TENM2: variants seen among roughly 807,000 people sequenced by gnomAD.
The protein encoded by TENM2 is teneurin transmembrane protein 2, also known as teneurin-2.
In TENM2, 52 loss-of-function variants were observed where a neutral mutation model predicts 245.2. The observed-to-expected ratio is 0.21, with a 90% CI of 0.17 to 0.27. The LOEUF (loss-of-function observed/expected upper bound fraction) is 0.27. Ranked by LOEUF, TENM2 falls within the 10% of genes least tolerant of loss-of-function variation. TENM2 has a pLI of 1.00. For missense variants in TENM2, 3,046 were observed against 3,666.8 expected (o/e 0.83, Z 4.37); for synonymous variants, 1,363 against 1,438.9 (o/e 0.95, Z 1.19).
At chr5:166,979,194 CCAGCAGCAG>C in the TENM2 span, among the ~76,000 whole-genome samples, 16,664 of 141,960 alleles carry the variant, frequency 0.12, 1,117 homozygotes, top group Admixed American at 0.19. Flanking sequence ...AGCACCACCA[CCAGCAGCAG>C]CAGCAGCAGC....
chr5:167,227,132 G>C, the TENM2 span, among the ~76,000 whole-genome samples: 31,328 of 151,682 alleles, frequency 0.21, 3,772 homozygotes, highest in African/African-American at 0.33. Flanking sequence ...TTCATTCAGC[G>C]AGTCTATATC....
chr5:167,322,217 T>G (rs1756799200), intron 1 of TENM2, among the ~76,000 whole-genome samples: 1 of 149,452 alleles, frequency 6.7e-6, no homozygotes, highest in Non-Finnish European at 1.5e-5. Context: ...ATATTTGTTT[T>G]TTTTTTTTTG....
chr5:167,075,998 G>A, the TENM2 span, among the ~76,000 whole-genome samples: 1 of 152,152 alleles, frequency 6.6e-6, no homozygotes, highest in Admixed American at 6.6e-5. Context: ...TCCCAGACCA[G>A]CCCTGGCTCT....
At position 168,127,176 on chromosome 5, in the gene TENM2, G is replaced by C. The variant is rs374876044; in HGVS notation, c.2422+210G>C. Among the ~76,000 whole-genome samples the C allele has an allele frequency of 3.2e-4, 48 of 152,300 alleles. No individual in the cohort carries two copies. The East Asian group carries it at 3.5e-3, about 11-fold the overall frequency. On this transcript the variant is annotated intron_variant, in intron 12 of 28. Transcript: ENST00000518659. ...TTCCGAGTTGAAAGGAAAGGGACCA[G>C]AGCAGATAAGAAAACCCCTCCAAAC...
At chr5:167,292,113 AC>A (rs1246267711) in intron 1 of TENM2, among the ~76,000 whole-genome samples, 1 of 151,902 alleles carries the variant, frequency 6.6e-6, no homozygotes, top group Admixed American at 6.6e-5. Flanking sequence ...GGAAAAACTT[AC>A]CCCCATGATT....
At chr5:167,307,072 C>G (rs543023517) in intron 1 of TENM2, among the ~76,000 whole-genome samples, 1 of 152,152 alleles carries the variant, frequency 6.6e-6, no homozygotes, top group Non-Finnish European at 1.5e-5. Context: ...CCATACTCCC[C>G]GCAACACTGG....
chr5:167,939,844 G>A (rs1583431337), intron 3 of TENM2, among the ~76,000 whole-genome samples: 1 of 152,186 alleles, frequency 6.6e-6, no homozygotes, highest in South Asian at 2.1e-4. Flanking sequence ...TGAGTCAGAA[G>A]CCTTTAGCAA....
chr5:168,218,471 A>T lies in TENM2; in HGVS notation c.4580A>T (p.Asn1527Ile). 1.2e-6 allele frequency: 2 copies of T among 1,614,028 alleles called. No individual in the cohort carries two copies. The highest frequency in any genetic ancestry group is 1.7e-6 in the Non-Finnish European group (2 of 1,179,896). Residue 1527 changes from asparagine to isoleucine, a missense_variant, in exon 23 of 29, where the codon AAT (asparagine) becomes ATT (isoleucine). By Grantham distance (149) the Asn-to-Ile change is moderately radical (BLOSUM62 -3). This residue lies in a region of TENM2 where 2,704 missense variants were observed against 3,331.9 expected (regional missense o/e 0.81). Transcript: ENST00000518659. The surrounding 1 kb of genome is among the most constrained non-coding windows in gnomAD (Gnocchi z 5.2). ...GACTGCGACTGCAAAAACGATGTCA[A>T]TTGCAACTGCTATTCAGGAGATGAT...
chr5:167,090,124 T>C, the TENM2 span, among the ~76,000 whole-genome samples: 3 of 152,156 alleles, frequency 2.0e-5, no homozygotes, highest in African/African-American at 7.2e-5. Context: ...TTTAAAATAA[T>C]TTATTACTGT....
chr5:167,479,572 G>T (rs1441298751), intron 2 of TENM2, among the ~76,000 whole-genome samples: 1 of 152,012 alleles, frequency 6.6e-6, no homozygotes, highest in Non-Finnish European at 1.5e-5. Flanking sequence ...ATTATTACCT[G>T]GAAAATCATC....
the TENM2 span, among the ~76,000 whole-genome samples, chr5:167,080,961 C>T: frequency 1.3e-5 from 2 of 151,776 alleles, no homozygotes; most frequent in African/African-American, 4.8e-5. Context: ...TTTGTATTTT[C>T]CTATGCTATT....
intron 1 of TENM2, among the ~76,000 whole-genome samples, chr5:167,325,031 G>C (rs1270415369): frequency 6.6e-6 from 1 of 152,140 alleles, no homozygotes; most frequent in Admixed American, 6.5e-5. Context: ...TATCAAGTCT[G>C]TGGAGTGTTC....
At chr5:167,795,711 T>G (rs944060970) in intron 2 of TENM2, among the ~76,000 whole-genome samples, 2 of 152,030 alleles carry the variant, frequency 1.3e-5, no homozygotes, top group African/African-American at 4.8e-5. Flanking sequence ...GTGAACAATA[T>G]TGTTAAATGC....
intron 5 of TENM2, among the ~76,000 whole-genome samples, chr5:167,997,331 G>A (rs1784126894): frequency 1.3e-5 from 2 of 152,156 alleles, no homozygotes; most frequent in Admixed American, 6.6e-5. Flanking sequence ...CCCGTTGATA[G>A]CATTAACTCA....
At chr5:167,666,594 C>T (rs1755592750) in intron 2 of TENM2, among the ~76,000 whole-genome samples, 1 of 152,082 alleles carries the variant, frequency 6.6e-6, no homozygotes, top group Non-Finnish European at 1.5e-5. Flanking sequence ...TGAGATCACT[C>T]AAGGACAGTA....
chr5:167,233,605 A>G, the TENM2 span, among the ~76,000 whole-genome samples: 1 of 152,206 alleles, frequency 6.6e-6, no homozygotes, highest in Non-Finnish European at 1.5e-5. Flanking sequence ...ATAGTGCTTA[A>G]CAATTTTTCC....
the TENM2 span, among the ~76,000 whole-genome samples, chr5:167,025,165 A>T: frequency 6.6e-6 from 1 of 152,226 alleles, no homozygotes; most frequent in African/African-American, 2.4e-5. Context: ...GTAGAATGAA[A>T]TAGGTAAAGT....
intron 2 of TENM2, among the ~76,000 whole-genome samples, chr5:167,521,562 A>G (rs1168973917): frequency 2.0e-5 from 3 of 152,232 alleles, no homozygotes; most frequent in African/African-American, 4.8e-5. Context: ...ATCTTGGCAT[A>G]GCCAAACACA....
At chr5:167,846,762 T>C (rs529499992) in intron 2 of TENM2, among the ~76,000 whole-genome samples, 1 of 152,362 alleles carries the variant, frequency 6.6e-6, no homozygotes, top group East Asian at 1.9e-4. Context: ...CTTTGGATTC[T>C]CCTTAAGTGG....
Sources: gnomAD v4.1 joint callset for allele counts (sites outside exome capture counted in the v4.1 genomes callset) on GRCh38, gnomAD v4.1.1 for gene constraint, gnomAD v4.1.1 regional missense constraint, Gnocchi (gnomAD v3.1) non-coding constraint, MANE v1.5 for transcripts, NCBI Gene and HGNC (gene_info 2026-07-23, HGNC 2026-07-21) for gene names.